ABCC9: variants seen among roughly 807,000 people sequenced by gnomAD.
ABCC9 encodes the protein ATP binding cassette subfamily C member 9, also known as ATP-binding cassette sub-family C member 9.
A neutral mutation model predicts 188.3 loss-of-function variants in ABCC9; 95 were observed. The ratio of observed to expected loss-of-function variants is 0.50; its 90% CI spans 0.43 to 0.60. The LOEUF (loss-of-function observed/expected upper bound fraction) is 0.60, where lower values mean the gene tolerates loss of function less well. Among genes scored for constraint, ABCC9 ranks in the 20% least tolerant of loss-of-function variants. The probability of loss-of-function intolerance (pLI) is 0.00; values close to 1 mark genes in which losing one functional copy is unlikely to be tolerated. For missense variants in ABCC9, 1,102 were observed against 1,876.3 expected (o/e 0.59, Z 7.62); for synonymous variants, 659 against 652.7 (o/e 1.01, Z -0.15).
chr12:21,868,627 A>G (rs1945904814), intron 18 of ABCC9, among the ~76,000 whole-genome samples: 1 of 152,232 alleles, frequency 6.6e-6, no homozygotes, highest in South Asian at 2.1e-4. Context: ...CAACAGAGTG[A>G]GACTCTGTCT....
chr12:21,896,105 CTTTT>C (rs796791024), intron 12 of ABCC9, among the ~76,000 whole-genome samples: 1 of 45,054 alleles, frequency 2.2e-5, no homozygotes, highest in Non-Finnish European at 5.2e-5. Flanking sequence ...TTTTACTTTT[CTTTT>C]TTTTTTTATT....
At chr12:21,896,514 A>G (rs189258927) in intron 12 of ABCC9, among the ~76,000 whole-genome samples, 1 of 152,292 alleles carries the variant, frequency 6.6e-6, no homozygotes, top group Non-Finnish European at 1.5e-5. Flanking sequence ...AACATGTGCC[A>G]TGGTGGTTTG....
intron 39 of ABCC9, among the ~76,000 whole-genome samples, chr12:21,802,822 T>G (rs761539622): frequency 2.0e-5 from 3 of 152,048 alleles, no homozygotes; most frequent in Non-Finnish European, 4.4e-5. Flanking sequence ...ATCCCCAGAG[T>G]TGAGGGCCTA....
chr12:21,912,820 A>T lies in ABCC9; in HGVS notation c.1011+52T>A, dbSNP rs200070689. On this transcript the variant is annotated intron_variant, in intron 8 of 39. Transcript: ENST00000261200. ...ACTGCATTAATAAAAAGTGACAATT[A>T]CAATGAAATCCATCAATAATATGTT... The T allele has an allele frequency of 5.1e-4, 798 of 1,568,274 alleles. 1 individual carries two copies. Among genetic ancestry groups the T allele is most frequent in the Non-Finnish European group, 6.3e-4 (716 of 1,139,486 alleles).
chr12:21,926,208 A>G, intron 4 of ABCC9, 145 bp from the exon 5 acceptor site: 1 of 1,143,004 alleles, frequency 8.7e-7, no homozygotes, highest in Non-Finnish European at 1.3e-6. Context: ...ATAATACATA[A>G]GGGAAGAATA....
chr12:21,859,925 A>C (rs1260312943), intron 21 of ABCC9, among the ~76,000 whole-genome samples: 1 of 152,216 alleles, frequency 6.6e-6, no homozygotes. Flanking sequence ...AGAAGCATTA[A>C]TAACCAAAAC....
chr12:21,807,947 T>C (rs776545472), intron 37 of ABCC9, among the ~76,000 whole-genome samples: 6 of 143,192 alleles, frequency 4.2e-5, no homozygotes, highest in Non-Finnish European at 9.0e-5. Context: ...ACCGGGTTTA[T>C]TTTTTTTTTG....
Position 21,841,355 on chromosome 12 carries a change from T to C in ABCC9, c.3473+959A>G, listed in dbSNP as rs1389741932. Among the ~76,000 whole-genome samples, 583 of 125,704 alleles carry C rather than the reference T, an allele frequency of 4.6e-3. 71 individuals carry two copies. Among genetic ancestry groups the C allele is most frequent in the African/African-American group, 0.012 (372 of 31,762 alleles). The allele number at this position is 125,704 out of a possible 152,430, so 82.5% of individuals were successfully genotyped here. On this transcript the variant is annotated intron_variant, in intron 29 of 39. Transcript: ENST00000261200. ...ATTATGTTTCTGGTTTCCTTTTTTTTTTTTTTTTTTTTTTTTTTTTTGAGA... is the reference window on the plus strand; with the variant it reads ...ATTATGTTTCTGGTTTCCTTTTTTTCTTTTTTTTTTTTTTTTTTTTTGAGA...
chr12:21,862,748 A>G (rs899249229), intron 20 of ABCC9, among the ~76,000 whole-genome samples: 6 of 152,110 alleles, frequency 3.9e-5, no homozygotes, highest in African/African-American at 1.2e-4. Context: ...ATTGTTCTCA[A>G]TAAGGGTCCA....
chr12:21,820,867 G>A (rs998018830), intron 31 of ABCC9, among the ~76,000 whole-genome samples: 2 of 152,000 alleles, frequency 1.3e-5, no homozygotes, highest in Non-Finnish European at 2.9e-5. Context: ...AAAGCACTCC[G>A]AAGTGTATGA....
intron 31 of ABCC9, among the ~76,000 whole-genome samples, chr12:21,826,638 C>T (rs1380463911): frequency 6.6e-6 from 1 of 152,146 alleles, no homozygotes; most frequent in Non-Finnish European, 1.5e-5. Context: ...TGACTGGTCT[C>T]ACAATGGATC....
intron 31 of ABCC9, chr12:21,827,437 A>G (rs959007814): frequency 6.0e-6 from 2 of 331,570 alleles, no homozygotes; most frequent in African/African-American, 2.2e-5. Context: ...AACTGCTAAC[A>G]TTTCTCCCTT....
chr12:21,816,961 A>G (rs1942687548), intron 33 of ABCC9, among the ~76,000 whole-genome samples: 1 of 152,146 alleles, frequency 6.6e-6, no homozygotes, highest in Non-Finnish European at 1.5e-5. Flanking sequence ...TTCTCTTTAA[A>G]TGTCATTAAA....
chr12:21,914,648 A>G (rs1426772934), intron 7 of ABCC9, among the ~76,000 whole-genome samples: 1 of 152,168 alleles, frequency 6.6e-6, no homozygotes. Context: ...AGTTATTAAT[A>G]TTACGTGGTA....
chr12:21,901,883 T>C (rs1947771746), intron 12 of ABCC9, among the ~76,000 whole-genome samples: 1 of 152,104 alleles, frequency 6.6e-6, no homozygotes, highest in Non-Finnish European at 1.5e-5. Flanking sequence ...CTGTCAACAT[T>C]AGACAGATCA....
intron 3 of ABCC9, among the ~76,000 whole-genome samples, chr12:21,936,268 C>T (rs1297135787): frequency 1.3e-5 from 2 of 152,112 alleles, no homozygotes; most frequent in Non-Finnish European, 2.9e-5. Context: ...GTAGATCTAT[C>T]TCATATATTT....
chr12:21,808,448 G>A (rs1942004920), intron 37 of ABCC9, among the ~76,000 whole-genome samples: 1 of 152,112 alleles, frequency 6.6e-6, no homozygotes, highest in African/African-American at 2.4e-5. Flanking sequence ...CTAAACAGGT[G>A]CATGCAGCTC....
At chr12:21,805,366 A>T in intron 39 of ABCC9, 1 of 1,554,184 alleles carries the variant, frequency 6.4e-7, no homozygotes, top group Non-Finnish European at 8.9e-7. Flanking sequence ...TGTCCAAGTG[A>T]CTCATTAAAA....
intron 22 of ABCC9, among the ~76,000 whole-genome samples, chr12:21,857,553 A>G (rs1312669892): frequency 6.6e-6 from 1 of 152,156 alleles, no homozygotes; most frequent in Non-Finnish European, 1.5e-5. Context: ...TATGTCCAGC[A>G]GGATTTTGCA....
Sources: gnomAD v4.1 joint callset for allele counts (sites outside exome capture counted in the v4.1 genomes callset) on GRCh38, gnomAD v4.1.1 for gene constraint, MANE v1.5 for transcripts, NCBI Gene and HGNC (gene_info 2026-07-23, HGNC 2026-07-21) for gene names.